Variants in CCDC141 observed in about 807,000 individuals in gnomAD.
CCDC141 encodes coiled-coil domain containing 141, also known as coiled-coil domain-containing protein 141.
In CCDC141, 168 loss-of-function variants were observed where a neutral mutation model predicts 181.0. That is an observed-to-expected ratio of 0.93 (90% CI 0.82 to 1.05). CCDC141 has a LOEUF of 1.05. Ranked by LOEUF, CCDC141 falls within the 50% of genes least tolerant of loss-of-function variation. The pLI, the probability that CCDC141 is intolerant of heterozygous loss-of-function variation, is 0.00. For missense variants in CCDC141, 1,902 were observed against 1,788.5 expected (o/e 1.06, Z -1.14); for synonymous variants, 666 against 642.3 (o/e 1.04, Z -0.56).
chr2:178,904,534 A>G (rs1346261656), intron 8 of CCDC141, among the ~76,000 whole-genome samples: 1 of 152,218 alleles, frequency 6.6e-6, no homozygotes, highest in Non-Finnish European at 1.5e-5. Flanking sequence ...TGAGGTTTCA[A>G]GGAGATTGTA....
At chr2:178,880,089 A>G (rs1167392530) in intron 11 of CCDC141, among the ~76,000 whole-genome samples, 2 of 152,200 alleles carry the variant, frequency 1.3e-5, no homozygotes, top group Non-Finnish European at 2.9e-5. Flanking sequence ...AAGATCATCC[A>G]TTATAGGCTG....
intron 7 of CCDC141, among the ~76,000 whole-genome samples, chr2:178,911,517 C>T (rs1174531184): frequency 2.6e-5 from 4 of 152,146 alleles, no homozygotes; most frequent in Non-Finnish European, 5.9e-5. Flanking sequence ...TCACTTAATA[C>T]CCTACAATTC....
At chr2:178,900,300 A>C (rs1420672899) in intron 8 of CCDC141, among the ~76,000 whole-genome samples, 2 of 152,192 alleles carry the variant, frequency 1.3e-5, no homozygotes, top group Non-Finnish European at 2.9e-5. Context: ...TTTGAAAAAC[A>C]ATAATTATGT....
chr2:178,952,427 A>T (rs1463032746), intron 5 of CCDC141, among the ~76,000 whole-genome samples: 1 of 152,142 alleles, frequency 6.6e-6, no homozygotes, highest in Non-Finnish European at 1.5e-5. Flanking sequence ...TATTATTCCC[A>T]TTTTACAGAA....
intron 4 of CCDC141, among the ~76,000 whole-genome samples, chr2:178,962,392 G>A (rs964242593): frequency 4.6e-5 from 7 of 152,056 alleles, no homozygotes; most frequent in Non-Finnish European, 7.4e-5. Flanking sequence ...CCTTCATCCC[G>A]CCATCATCAA....
intron 2 of CCDC141, among the ~76,000 whole-genome samples, chr2:179,015,678 ATATAT>A (rs2042498594): frequency 2.8e-5 from 4 of 140,558 alleles, no homozygotes; most frequent in South Asian, 4.6e-4. Flanking sequence ...CATATCTCAT[ATATAT>A]CTCATACATA....
rs148399634 is a variant in CCDC141 at position 178,961,977 on chromosome 2, C to T, written c.527-494G>A. On this transcript the variant is annotated intron_variant, in intron 4 of 23. Coordinates refer to ENST00000443758, the MANE Select transcript of CCDC141 (RefSeq NM_173648.4). ...AGGGTCAGCTGTCACTCAGTTCTGG[C>T]GAACAGTTGACATGAGGAATATGGG... 6.0e-3 allele frequency among the ~76,000 whole-genome samples: 908 copies of T among 152,160 alleles called. 10 individuals carry two copies. The highest frequency in any genetic ancestry group is 0.021 in the African/African-American group (862 of 41,506).
intron 17 of CCDC141, among the ~76,000 whole-genome samples, chr2:178,860,826 C>T (rs1441696103): frequency 9.9e-5 from 15 of 151,946 alleles, no homozygotes; most frequent in African/African-American, 3.6e-4. Flanking sequence ...TTGTAGGTAG[C>T]AACAGGCATC....
At chr2:179,015,514 G>A (rs377606623) in intron 2 of CCDC141, among the ~76,000 whole-genome samples, 23 of 32,658 alleles carry the variant, frequency 7.0e-4, no homozygotes, top group East Asian at 9.3e-4. Flanking sequence ...TATCATATAT[G>A]TATCACATAT....
At chr2:178,983,513 T>C (rs146581171) in intron 2 of CCDC141, among the ~76,000 whole-genome samples, 137,584 of 142,190 alleles carry the variant, frequency 0.97, 66,642 homozygotes, top group South Asian at 0.99. Context: ...GATCAAATTA[T>C]TCTGAGCTAC....
intron 2 of CCDC141, among the ~76,000 whole-genome samples, chr2:179,015,600 C>CATATATCTCAT (rs2042489234): frequency 1.8e-5 from 1 of 55,456 alleles, no homozygotes; most frequent in Non-Finnish European, 4.9e-5. Context: ...ATATGTATCT[C>CATATATCTCAT]ATATATCTCA....
rs1412556565 is a variant in CCDC141 at position 178,845,739 on chromosome 2, C to T, written c.3361G>A (p.Gly1121Arg). Residue 1121 changes from glycine to arginine, a missense_variant, in exon 22 of 24, where the codon GGA (glycine) becomes AGA (arginine). By Grantham distance (125) the Gly-to-Arg change is moderately radical. Transcript: ENST00000443758. ...TTCGGATTCATCTTTAAAACATCTC[C>T]CTGCTGTACAAAGCAACAGTTAGTG... is the stretch of plus-strand genomic sequence containing the variant. ...LTELEEKLKQ[G>R]DVLKMNPNLE... 5 of 1,582,732 alleles carry T rather than the reference C, an allele frequency of 3.2e-6. No homozygotes were observed. The highest frequency in any genetic ancestry group is 4.3e-6 in the Non-Finnish European group (5 of 1,151,724).
chr2:178,886,493 C>G (rs993779667), intron 10 of CCDC141, among the ~76,000 whole-genome samples: 3 of 152,094 alleles, frequency 2.0e-5, no homozygotes, highest in Non-Finnish European at 2.9e-5. Flanking sequence ...AGAAACTGCC[C>G]AGGCAAGAAA....
chr2:178,976,769 T>C (rs1024502718), intron 3 of CCDC141, among the ~76,000 whole-genome samples: 12 of 152,194 alleles, frequency 7.9e-5, no homozygotes, highest in Non-Finnish European at 8.8e-5. Context: ...TAATAACTGA[T>C]TTTTAAAATA....
intron 3 of CCDC141, among the ~76,000 whole-genome samples, chr2:178,976,923 A>G (rs1280188942): frequency 6.6e-6 from 1 of 152,158 alleles, no homozygotes. Flanking sequence ...AAATAAATAA[A>G]CCAATAAGCA....
Position 178,972,804 on chromosome 2 carries a change from A to AG in CCDC141, c.526+2252dup, listed in dbSNP as rs1034364022. Among the ~76,000 whole-genome samples the AG allele has an allele frequency of 2.6e-5, 4 of 152,286 alleles. No individual in the cohort carries two copies. In the East Asian group the frequency reaches 5.8e-4, roughly 22 times the overall value. On this transcript the variant is annotated intron_variant, in intron 4 of 23. Transcript: ENST00000443758. ...GAACCAACTTGTTCTGAAACATTCC[A>AG]GGGGGCAGAAATATCAACCCATTAA...
intron 4 of CCDC141, among the ~76,000 whole-genome samples, chr2:178,969,468 A>G (rs1690786236): frequency 6.6e-6 from 1 of 152,036 alleles, no homozygotes; most frequent in African/African-American, 2.4e-5. Flanking sequence ...GGCTGGTTCA[A>G]CATATGCAAA....
chr2:178,885,423 T>C (rs1686836377), intron 10 of CCDC141, among the ~76,000 whole-genome samples: 1 of 152,224 alleles, frequency 6.6e-6, no homozygotes, highest in Non-Finnish European at 1.5e-5. Flanking sequence ...ATGAGATAGC[T>C]ATTTGAAATT....
intron 1 of CCDC141, among the ~76,000 whole-genome samples, chr2:179,048,534 T>C (rs1249268900): frequency 6.6e-6 from 1 of 151,960 alleles, no homozygotes; most frequent in African/African-American, 2.4e-5. Flanking sequence ...GCTCCAAGAA[T>C]GTTCATATTT....
Sources: allele counts gnomAD v4.1 joint callset (sites outside exome capture counted in the v4.1 genomes callset), GRCh38; gene constraint gnomAD v4.1.1; transcripts MANE v1.5; gene names NCBI Gene and HGNC (gene_info 2026-07-23, HGNC 2026-07-21).